Variants in CASK observed in about 807,000 individuals in gnomAD.
CASK encodes the protein peripheral plasma membrane protein CASK.
In CASK, 4 loss-of-function variants were observed where a neutral mutation model predicts 82.9. The ratio of observed to expected loss-of-function variants is 0.05; its 90% confidence interval spans 0.02 to 0.11. CASK has a LOEUF of 0.11. Ranked by LOEUF, CASK falls within the 10% of genes least tolerant of loss-of-function variation. The pLI is 1.00. For missense variants in CASK, 358 were observed against 720.9 expected (o/e 0.50, Z 5.76); for synonymous variants, 259 against 253.5 (o/e 1.02, Z -0.20).
intron 8 of CASK, 105 bp from the exon 9 acceptor site, chrX:41,636,766 A>G (rs1015855983): frequency 8.0e-5 from 42 of 522,145 alleles, no homozygotes; most frequent in Non-Finnish European, 1.3e-4. Flanking sequence ...TAAAACTCAG[A>G]TTGAATTTTA....
At chrX:41,771,440 C>T (rs190059662) in intron 3 of CASK, among the ~76,000 whole-genome samples, 27 of 111,388 alleles carry the variant, frequency 2.4e-4, no homozygotes, top group African/African-American at 8.1e-4. Context: ...AAATCCAAAT[C>T]GATACAAATA....
chrX:41,601,384 T>C (rs995598906), intron 12 of CASK, among the ~76,000 whole-genome samples: 1 of 112,033 alleles, frequency 8.9e-6, no homozygotes. Flanking sequence ...TAAAATAAGT[T>C]GCTCTAAGGT....
At chrX:41,672,596 A>C (rs1364753561) in intron 5 of CASK, among the ~76,000 whole-genome samples, 1 of 111,874 alleles carries the variant, frequency 8.9e-6, no homozygotes, top group African/African-American at 3.3e-5. Context: ...AAAGGGTGCA[A>C]TCATACTGAG....
At chrX:41,782,007 G>C (rs1481389702) in intron 3 of CASK, among the ~76,000 whole-genome samples, 2 of 111,636 alleles carry the variant, frequency 1.8e-5, no homozygotes, top group East Asian at 5.6e-4. Flanking sequence ...TGTTCAATCA[G>C]GGAAAACTGA....
chrX:41,628,935 T>G (rs1194609106), intron 9 of CASK, among the ~76,000 whole-genome samples: 1 of 112,100 alleles, frequency 8.9e-6, no homozygotes, highest in Non-Finnish European at 1.9e-5. Context: ...TATTTTTATT[T>G]CCAAATGAAG....
intron 15 of CASK, among the ~76,000 whole-genome samples, chrX:41,574,970 T>C (rs1047078742): frequency 4.4e-5 from 5 of 112,565 alleles, no homozygotes; most frequent in African/African-American, 1.6e-4. Flanking sequence ...TTTCCAGTCC[T>C]AAGATTCAAT....
chrX:41,695,915 T>G (rs2067680307), intron 5 of CASK: 1 of 1,208,413 alleles, frequency 8.3e-7, no homozygotes, highest in East Asian at 3.0e-5. Flanking sequence ...TTTATCTACT[T>G]AACGTAGCCA....
chrX:41,785,558 T>C (rs2069579043), intron 3 of CASK, among the ~76,000 whole-genome samples: 1 of 112,586 alleles, frequency 8.9e-6, no homozygotes, highest in African/African-American at 3.2e-5. Flanking sequence ...AATGTTTACA[T>C]CTTTTTTCAC....
chrX:41,660,308 G>C (rs1210590233), intron 8 of CASK, 131 bp downstream of exon 8: 4 of 552,984 alleles, frequency 7.2e-6, no homozygotes, highest in Non-Finnish European at 1.2e-5. Flanking sequence ...CAGCAAACAA[G>C]ATGAAAAAAA....
At chrX:41,669,531 T>C (rs2067166087) in intron 6 of CASK, among the ~76,000 whole-genome samples, 1 of 112,220 alleles carries the variant, frequency 8.9e-6, no homozygotes, top group Non-Finnish European at 1.9e-5. Context: ...ACCTTGGTAA[T>C]ATAATCATCA....
At chrX:41,761,233 G>A (rs558980028) in intron 3 of CASK, among the ~76,000 whole-genome samples, 2 of 111,125 alleles carry the variant, frequency 1.8e-5, no homozygotes, top group African/African-American at 6.5e-5. Flanking sequence ...CCTTCTAGTC[G>A]CTTGTGGAAT....
rs369294424 is a variant in CASK, at chrX:41,559,738, A to C, written c.1737+41T>G. ...ACAGCCATCAGCAGACAGTTAGTTA[A>C]GAACTCAGAGCAGATGGGGGTGGTT... On this transcript the variant is annotated intron_variant, in intron 18 of 26. Coordinates refer to ENST00000378163, the MANE Select transcript of CASK (RefSeq NM_001367721.1). 3.6e-6 allele frequency: 4 copies of C among 1,111,781 alleles called. No homozygotes were observed. In the African/African-American group the frequency reaches 7.2e-5, roughly 20 times the overall value. The allele number at this position is 1,111,781 out of a possible 1,213,427, so 91.6% of individuals were successfully genotyped here. A position where few individuals can be genotyped will look rare whatever the true frequency, so the allele number is the denominator to read the frequency against.
chrX:41,782,377 T>C (rs1469958999), intron 3 of CASK, among the ~76,000 whole-genome samples: 1 of 112,225 alleles, frequency 8.9e-6, no homozygotes, highest in Non-Finnish European at 1.9e-5. Context: ...ATCAGGTCAC[T>C]GGAAAATATC....
chrX:41,628,626 T>G lies in CASK; in HGVS notation c.916-1923A>C, dbSNP rs953014178. Reference sequence around the variant, plus strand: ...GGCCAGAAAACATTAATAAAATATATTTCCACAAAGTTTACTTACTGTAGA... The same window carrying G: ...GGCCAGAAAACATTAATAAAATATAGTTCCACAAAGTTTACTTACTGTAGA... On this transcript the variant is annotated intron_variant, in intron 9 of 26. Coordinates refer to ENST00000378163, the MANE Select transcript of CASK (RefSeq NM_001367721.1). Among the ~76,000 whole-genome samples, 30 of 111,819 alleles carry G rather than the reference T, an allele frequency of 2.7e-4. 2 individuals carry two copies. The highest frequency in any genetic ancestry group is 5.5e-4 in the Non-Finnish European group (29 of 53,185).
chrX:41,870,706 AGACT>A (rs1342553272), intron 1 of CASK, among the ~76,000 whole-genome samples: 3 of 112,062 alleles, frequency 2.7e-5, no homozygotes, highest in Non-Finnish European at 5.6e-5. Flanking sequence ...AAGGCTAATG[AGACT>A]GACTAATATT....
chrX:41,806,962 G>A (rs1174093700), intron 2 of CASK, among the ~76,000 whole-genome samples: 1 of 111,076 alleles, frequency 9.0e-6, no homozygotes, highest in Non-Finnish European at 1.9e-5. Flanking sequence ...TTGGAACCAC[G>A]TAAATGTTTT....
intron 5 of CASK, among the ~76,000 whole-genome samples, chrX:41,674,482 G>A (rs1232816016): frequency 9.0e-6 from 1 of 111,544 alleles, no homozygotes; most frequent in African/African-American, 3.3e-5. Context: ...TGTCATGACG[G>A]GCCAAGAACA....
intron 3 of CASK, among the ~76,000 whole-genome samples, chrX:41,760,089 C>A (rs750409373): frequency 8.9e-6 from 1 of 111,871 alleles, no homozygotes; most frequent in Non-Finnish European, 1.9e-5. Context: ...TTGTTGTTTA[C>A]GTTAACATAC....
At chrX:41,635,883 C>T (rs2066543451) in intron 9 of CASK, 1 of 101,677 alleles carries the variant, frequency 9.8e-6, no homozygotes, top group Non-Finnish European at 2.0e-5. Context: ...AATCCTAGTT[C>T]CAATTCTTTT....
Sources: allele counts gnomAD v4.1 joint callset (sites outside exome capture counted in the v4.1 genomes callset), GRCh38; gene constraint gnomAD v4.1.1; transcripts MANE v1.5; gene names NCBI Gene and HGNC (gene_info 2026-07-23, HGNC 2026-07-21).